SLC24A2: variants seen among roughly 807,000 people sequenced by gnomAD.
SLC24A2 encodes sodium/potassium/calcium exchanger 2.
A neutral mutation model predicts 62.0 loss-of-function variants in SLC24A2; 36 were observed. That is an observed-to-expected ratio of 0.58 (90% CI 0.44 to 0.77). SLC24A2 has a LOEUF of 0.77. SLC24A2 is among the 30% of genes least tolerant of loss of function. The pLI is 0.00. For synonymous variants in SLC24A2, 358 were observed against 294.0 expected (o/e 1.22, Z -2.23); for missense variants, 846 against 817.9 (o/e 1.03, Z -0.42).
intron 7 of SLC24A2, among the ~76,000 whole-genome samples, chr9:19,563,405 C>T (rs10811203): frequency 0.11 from 16,827 of 151,988 alleles, 975 homozygotes; most frequent in African/African-American, 0.15. Flanking sequence ...TTTAGAAAGG[C>T]GACTTTCTCT....
chr9:20,119,808 T>TA, the SLC24A2 span, among the ~76,000 whole-genome samples: 1 of 152,220 alleles, frequency 6.6e-6, no homozygotes, highest in Admixed American at 6.5e-5. Context: ...AAGGAAGAAG[T>TA]AAAACTGTGT....
the SLC24A2 span, among the ~76,000 whole-genome samples, chr9:20,039,634 G>T: frequency 3.3e-5 from 5 of 152,012 alleles, no homozygotes; most frequent in East Asian, 9.7e-4. Context: ...ACTCCCCAGG[G>T]GTGGCTCACT....
At chr9:20,006,159 T>C in the SLC24A2 span, among the ~76,000 whole-genome samples, 1 of 151,504 alleles carries the variant, frequency 6.6e-6, no homozygotes, top group African/African-American at 2.4e-5. Context: ...ATATACCTAC[T>C]TTTCATATTT....
the SLC24A2 span, chr9:19,929,571 T>G: frequency 6.6e-6 from 1 of 152,188 alleles, no homozygotes; most frequent in Non-Finnish European, 1.5e-5. Flanking sequence ...GCACATACAA[T>G]TACATACAGT....
chr9:20,062,978 A>C, the SLC24A2 span, among the ~76,000 whole-genome samples: 1 of 117,808 alleles, frequency 8.5e-6, no homozygotes. Context: ...CGATCATTAA[A>C]AAGTCAGGAA....
chr9:19,648,520 G>C (rs894592066), intron 2 of SLC24A2, among the ~76,000 whole-genome samples: 20 of 152,130 alleles, frequency 1.3e-4, no homozygotes, highest in Non-Finnish European at 2.5e-4. Context: ...ATAATAGAAA[G>C]CTAGGTAACA....
the SLC24A2 span, among the ~76,000 whole-genome samples, chr9:20,114,272 G>A: frequency 8.5e-5 from 13 of 152,122 alleles, no homozygotes; most frequent in African/African-American, 3.1e-4. Context: ...AATTCATGCA[G>A]CTCACACAGG....
chr9:19,716,252 C>A (rs1465773464), intron 2 of SLC24A2, among the ~76,000 whole-genome samples: 1 of 152,188 alleles, frequency 6.6e-6, no homozygotes, highest in Non-Finnish European at 1.5e-5. Flanking sequence ...TGCACCTGTT[C>A]ACAGTATTCT....
chr9:20,224,414 A>C, the SLC24A2 span, among the ~76,000 whole-genome samples: 273 of 152,174 alleles, frequency 1.8e-3, 1 homozygote, highest in African/African-American at 6.2e-3. Context: ...CATAACCATA[A>C]GTTTGGCAAA....
the SLC24A2 span, among the ~76,000 whole-genome samples, chr9:20,285,108 C>T: frequency 1.3e-5 from 2 of 152,146 alleles, no homozygotes; most frequent in African/African-American, 4.8e-5. Flanking sequence ...GGTGGCACGT[C>T]ATATTCATGT....
the SLC24A2 span, among the ~76,000 whole-genome samples, chr9:19,798,710 C>T: frequency 6.6e-6 from 1 of 152,072 alleles, no homozygotes; most frequent in Admixed American, 6.6e-5. Context: ...AATTTTTTCA[C>T]TTGCTTTATC....
At chr9:20,283,889 G>C in the SLC24A2 span, among the ~76,000 whole-genome samples, 1 of 152,000 alleles carries the variant, frequency 6.6e-6, no homozygotes, top group Non-Finnish European at 1.5e-5. Context: ...GGAGTTATAC[G>C]CATGCCCATC....
intron 2 of SLC24A2, among the ~76,000 whole-genome samples, chr9:19,691,865 A>G (rs918275343): frequency 6.6e-6 from 1 of 152,134 alleles, no homozygotes; most frequent in Non-Finnish European, 1.5e-5. Flanking sequence ...GATATTGTCC[A>G]GGGATATCAG....
chr9:19,520,106 CAA>C (rs1833118348), intron 10 of SLC24A2, among the ~76,000 whole-genome samples: 2 of 152,120 alleles, frequency 1.3e-5, no homozygotes, highest in African/African-American at 4.8e-5. Context: ...GAAGACAGAA[CAA>C]TATTTAAGAT....
chr9:20,107,284 G>A, the SLC24A2 span, among the ~76,000 whole-genome samples: 1 of 151,900 alleles, frequency 6.6e-6, no homozygotes, highest in Non-Finnish European at 1.5e-5. Context: ...GTAATTTATA[G>A]ATTCAATGCC....
the SLC24A2 span, among the ~76,000 whole-genome samples, chr9:19,817,736 T>C: frequency 3.9e-5 from 6 of 152,050 alleles, no homozygotes; most frequent in African/African-American, 1.4e-4. Flanking sequence ...TTTTTATTTA[T>C]TTATTTTTTA....
the SLC24A2 span, among the ~76,000 whole-genome samples, chr9:20,217,991 A>C: frequency 2.6e-5 from 4 of 152,170 alleles, no homozygotes; most frequent in East Asian, 5.8e-4. Flanking sequence ...CCCCAGCTTC[A>C]TTTCTGGCTT....
intron 5 of SLC24A2, among the ~76,000 whole-genome samples, chr9:19,582,478 G>A (rs1221597088): frequency 2.0e-5 from 3 of 152,170 alleles, no homozygotes; most frequent in Admixed American, 2.0e-4. Context: ...GATGCAAAGA[G>A]AGTGGCCAAA....
the SLC24A2 span, among the ~76,000 whole-genome samples, chr9:20,018,813 C>G: frequency 6.6e-6 from 1 of 151,862 alleles, no homozygotes. Flanking sequence ...CCTATAATCC[C>G]AACACTTTGG....
Sources: allele counts gnomAD v4.1 joint callset (sites outside exome capture counted in the v4.1 genomes callset), GRCh38; gene constraint gnomAD v4.1.1; transcripts MANE v1.5; gene names NCBI Gene and HGNC (gene_info 2026-07-23, HGNC 2026-07-21).